CNBD1: variants seen among roughly 807,000 people sequenced by gnomAD.
CNBD1 encodes cyclic nucleotide-binding domain-containing protein 1.
Under a neutral mutation model 54.4 loss-of-function variants are expected in CNBD1, and 71 were observed. The ratio of observed to expected loss-of-function variants is 1.30; its 90% CI spans 1.08 to 1.59. CNBD1 has a LOEUF of 1.59. Ranked by LOEUF, CNBD1 falls within the 40% of genes most tolerant of loss-of-function variation. The pLI, the probability that CNBD1 is intolerant of heterozygous loss-of-function variation, is 0.00. For synonymous variants in CNBD1, 182 were observed against 170.7 expected, an observed-to-expected ratio of 1.07 and a Z score of -0.51; for missense variants, 659 against 518.0, an observed-to-expected ratio of 1.27 and a Z score of -2.64.
Position 87,389,215 on chromosome 8 carries a change from G to T in CNBD1, c.213+35429G>T, listed in dbSNP as rs552731034. Among the ~76,000 whole-genome samples the T allele has an allele frequency of 1.4e-4, 21 of 152,028 alleles. No homozygotes were observed. The East Asian group carries it at 2.5e-3, about 18-fold the overall frequency. ...CAAGACAGGGATGCCCTCTCTCACCGCTGCTATTCAACATAGTGTTGGAAG... is the reference window on the plus strand; with the variant it reads ...CAAGACAGGGATGCCCTCTCTCACCTCTGCTATTCAACATAGTGTTGGAAG... On this transcript the variant is annotated intron_variant, in intron 2 of 7. Coordinates refer to the CNBD1 transcript ENST00000521593.
chr8:87,093,308 A>G (rs758268948), intron 4 of CNBD1, among the ~76,000 whole-genome samples: 2 of 152,100 alleles, frequency 1.3e-5, no homozygotes, highest in African/African-American at 2.4e-5. Context: ...ATTACCTGCT[A>G]GGAGGAGATG....
At chr8:87,021,865 A>G (rs1809494721) in intron 4 of CNBD1, among the ~76,000 whole-genome samples, 1 of 152,210 alleles carries the variant, frequency 6.6e-6, no homozygotes, top group South Asian at 2.1e-4. Flanking sequence ...AGTGTCTAGT[A>G]TTTACCAGAT....
intron 1 of CNBD1, among the ~76,000 whole-genome samples, chr8:86,868,054 A>G (rs974574853): frequency 3.9e-5 from 6 of 152,204 alleles, no homozygotes; most frequent in African/African-American, 1.4e-4. Context: ...AACTGTAGCA[A>G]GACAATAATT....
At chr8:86,956,964 G>C (rs1419314651) in intron 4 of CNBD1, among the ~76,000 whole-genome samples, 2 of 152,126 alleles carry the variant, frequency 1.3e-5, no homozygotes, top group Non-Finnish European at 1.5e-5. Flanking sequence ...TTGGCTGTGG[G>C]TCTGTCATAA....
At chr8:87,380,783 A>G (rs1042780061) in intron 10 of CNBD1, among the ~76,000 whole-genome samples, 3 of 151,946 alleles carry the variant, frequency 2.0e-5, no homozygotes, top group Non-Finnish European at 2.9e-5. Flanking sequence ...ACTGTTGTAA[A>G]TGGGGTTGTT....
chr8:87,238,386 T>A (rs1225807853), intron 6 of CNBD1, among the ~76,000 whole-genome samples: 1 of 152,244 alleles, frequency 6.6e-6, no homozygotes, highest in Non-Finnish European at 1.5e-5. Context: ...GGTAGGCTTA[T>A]GGACCCAGTG....
intron 6 of CNBD1, among the ~76,000 whole-genome samples, chr8:87,270,172 C>A (rs986824197): frequency 1.3e-5 from 2 of 151,870 alleles, no homozygotes; most frequent in Non-Finnish European, 2.9e-5. Flanking sequence ...ATGATCATCT[C>A]AATAGATGCA....
At chr8:87,328,477 G>A (rs1055422428) in intron 8 of CNBD1, among the ~76,000 whole-genome samples, 2 of 149,700 alleles carry the variant, frequency 1.3e-5, no homozygotes, top group African/African-American at 4.9e-5. Context: ...TATTTAATTG[G>A]CCTTTGTGCT....
intron 4 of CNBD1, among the ~76,000 whole-genome samples, chr8:86,997,191 T>C (rs1405395710): frequency 1.3e-5 from 2 of 152,218 alleles, no homozygotes; most frequent in Admixed American, 1.3e-4. Flanking sequence ...TTAACAGACA[T>C]GAACAGTGTT....
intron 8 of CNBD1, among the ~76,000 whole-genome samples, chr8:87,334,867 G>A (rs953086806): frequency 6.6e-6 from 1 of 151,918 alleles, no homozygotes; most frequent in African/African-American, 2.4e-5. Flanking sequence ...GGGACTACAG[G>A]TGCCCACCAC....
intron 4 of CNBD1, among the ~76,000 whole-genome samples, chr8:86,948,886 G>A (rs921456212): frequency 1.3e-5 from 2 of 152,088 alleles, no homozygotes; most frequent in African/African-American, 4.8e-5. Flanking sequence ...TTCATAGTTT[G>A]TGTTCTTAGA....
intron 8 of CNBD1, among the ~76,000 whole-genome samples, chr8:87,348,904 G>T (rs1033062408): frequency 1.3e-5 from 2 of 152,174 alleles, no homozygotes; most frequent in Admixed American, 6.5e-5. Flanking sequence ...TTTAATTTCT[G>T]TGAATCCTTC....
intron 4 of CNBD1, among the ~76,000 whole-genome samples, chr8:86,957,706 T>A (rs1807814372): frequency 6.6e-6 from 1 of 152,200 alleles, no homozygotes; most frequent in Non-Finnish European, 1.5e-5. Context: ...TGCAGCTATT[T>A]GATTCTTCTC....
At chr8:87,320,858 A>C (rs1809510927) in intron 8 of CNBD1, among the ~76,000 whole-genome samples, 1 of 152,068 alleles carries the variant, frequency 6.6e-6, no homozygotes, top group Non-Finnish European at 1.5e-5. Context: ...ATTGCACAGC[A>C]ATTTCCCATT....
chr8:87,005,051 G>A (rs1349445481), intron 4 of CNBD1, among the ~76,000 whole-genome samples: 2 of 151,324 alleles, frequency 1.3e-5, no homozygotes, highest in African/African-American at 2.4e-5. Context: ...GATACTTGAA[G>A]ATTTTTTTTT....
intron 8 of CNBD1, among the ~76,000 whole-genome samples, chr8:87,302,024 A>T (rs1482182462): frequency 1.3e-5 from 2 of 152,136 alleles, no homozygotes; most frequent in Non-Finnish European, 2.9e-5. Context: ...AAAGTCCAGG[A>T]CCAGACGGAT....
chr8:87,243,702 A>G (rs534026770), intron 6 of CNBD1, among the ~76,000 whole-genome samples: 20 of 152,340 alleles, frequency 1.3e-4, no homozygotes, highest in African/African-American at 4.8e-4. Context: ...TAGAAAAATA[A>G]GTTTTCAATT....
intron 8 of CNBD1, among the ~76,000 whole-genome samples, chr8:87,317,709 T>C (rs955882559): frequency 6.6e-6 from 1 of 151,938 alleles, no homozygotes; most frequent in African/African-American, 2.4e-5. Flanking sequence ...TTTAAAAATG[T>C]GTATTCTGGT....
intron 4 of CNBD1, among the ~76,000 whole-genome samples, chr8:86,996,488 C>T (rs985558753): frequency 6.6e-6 from 1 of 152,174 alleles, no homozygotes; most frequent in Non-Finnish European, 1.5e-5. Context: ...TAAAACATTC[C>T]TCACATTGCT....
Sources: allele counts gnomAD v4.1 joint callset (sites outside exome capture counted in the v4.1 genomes callset), GRCh38; gene constraint gnomAD v4.1.1; transcripts MANE v1.5; gene names NCBI Gene and HGNC (gene_info 2026-07-23, HGNC 2026-07-21).